The following ROBO2 variants were observed in gnomAD, a reference collection of about 807,000 sequenced individuals.
The protein encoded by ROBO2 is roundabout guidance receptor 2, also known as roundabout homolog 2.
A neutral mutation model predicts 160.8 loss-of-function variants in ROBO2; 53 were observed. The observed-to-expected ratio is 0.33, with a 90% CI of 0.26 to 0.41. ROBO2 has a LOEUF of 0.41. Among genes scored for constraint, ROBO2 ranks in the 10% least tolerant of loss-of-function variants. The pLI, the probability that ROBO2 is intolerant of heterozygous loss-of-function variation, is 1.00. For synonymous variants in ROBO2, 664 were observed against 611.7 expected (o/e 1.09, Z -1.26); for missense variants, 1,577 against 1,722.4 (o/e 0.92, Z 1.49).
At position 77,602,578 on chromosome 3, in the gene ROBO2, AT is replaced by A. The variant is rs2094450086; in HGVS notation, c.3136+89del. 1.3e-5 allele frequency: 19 copies of A among 1,489,976 alleles called. No individual in the cohort carries two copies. The African/African-American group carries it at 2.6e-4, about 21-fold the overall frequency. 92.3% of individuals were successfully genotyped at this position (1,489,976 alleles called of 1,614,324 possible). A position where few individuals can be genotyped will look rare whatever the true frequency, so the allele number is the denominator to read the frequency against. On this transcript the variant is annotated intron_variant, in intron 20 of 25. Coordinates refer to ENST00000461745, the Ensembl canonical transcript of ROBO2. ...TTAGTATTTGTTGTTTGACTTAGTGATTCATTACCAGGTTTACTACCTAAAC... is the reference window on the plus strand; with the variant it reads ...TTAGTATTTGTTGTTTGACTTAGTGATCATTACCAGGTTTACTACCTAAAC...
At chr3:76,032,441 G>T (rs1021529289) in intron 2 of ROBO2, among the ~76,000 whole-genome samples, 2 of 152,024 alleles carry the variant, frequency 1.3e-5, no homozygotes, top group Non-Finnish European at 2.9e-5. Flanking sequence ...TCTTTTAATT[G>T]TGATGTTAGG....
chr3:76,615,897 G>A (rs1288260035), intron 2 of ROBO2, among the ~76,000 whole-genome samples: 1 of 152,176 alleles, frequency 6.6e-6, no homozygotes, highest in Non-Finnish European at 1.5e-5. Context: ...CAGAGGCTCA[G>A]AATGTAAATG....
intron 2 of ROBO2, among the ~76,000 whole-genome samples, chr3:77,296,005 G>T (rs2062054808): frequency 7.1e-6 from 1 of 139,908 alleles, no homozygotes; most frequent in Non-Finnish European, 1.5e-5. Flanking sequence ...GGTTAAACGG[G>T]AAGTTGAGGC....
At chr3:76,840,259 A>G (rs935646232) in intron 2 of ROBO2, among the ~76,000 whole-genome samples, 5 of 151,524 alleles carry the variant, frequency 3.3e-5, no homozygotes, top group Non-Finnish European at 7.4e-5. Context: ...TAATTCTTTA[A>G]GATACATCAT....
intron 2 of ROBO2, among the ~76,000 whole-genome samples, chr3:77,176,604 ATTGATTC>A (rs1379751834): frequency 1.6e-4 from 25 of 152,022 alleles, no homozygotes; most frequent in African/African-American, 6.0e-4. Context: ...CATTTTATGA[ATTGATTC>A]TTATTTATCT....
intron 2 of ROBO2, among the ~76,000 whole-genome samples, chr3:76,919,617 A>T (rs1219016847): frequency 6.6e-6 from 1 of 152,176 alleles, no homozygotes; most frequent in Non-Finnish European, 1.5e-5. Flanking sequence ...GCATCCTATC[A>T]TGTATTTTTA....
intron 2 of ROBO2, among the ~76,000 whole-genome samples, chr3:76,996,644 C>T (rs968903992): frequency 2.0e-5 from 3 of 151,616 alleles, no homozygotes; most frequent in Non-Finnish European, 4.4e-5. Context: ...TGGTTTTGTC[C>T]CATCAGCCAT....
chr3:77,040,739 C>A lies in ROBO2; in HGVS notation c.-47C>A, dbSNP rs769316618. Reference sequence around the variant, plus strand: ...ATACTCATTTTTGTACTTTTGCTCTCTGGGATTGGTTTCTTAAAGAATCTG... The same window carrying A: ...ATACTCATTTTTGTACTTTTGCTCTATGGGATTGGTTTCTTAAAGAATCTG... On this transcript the variant is annotated 5_prime_UTR_variant, in exon 1 of 26. It adds an upstream start codon to the 5' untranslated region. Coordinates refer to ENST00000461745, the Ensembl canonical transcript of ROBO2. 1.2e-6 allele frequency: 2 copies of A among 1,613,792 alleles called. No homozygotes were observed. The highest frequency in any genetic ancestry group is 1.7e-6 in the Non-Finnish European group (2 of 1,180,004).
At chr3:76,455,025 G>A (rs1348314129) in intron 2 of ROBO2, among the ~76,000 whole-genome samples, 1 of 151,946 alleles carries the variant, frequency 6.6e-6, no homozygotes, top group African/African-American at 2.4e-5. Context: ...GGTCCAACTA[G>A]GTAAAATAAA....
intron 2 of ROBO2, among the ~76,000 whole-genome samples, chr3:76,645,866 C>T (rs2090941617): frequency 6.6e-6 from 1 of 152,114 alleles, no homozygotes; most frequent in Admixed American, 6.5e-5. Flanking sequence ...TTATTCCTTC[C>T]TGCATTTATT....
At chr3:76,666,462 C>T (rs756518183) in intron 2 of ROBO2, among the ~76,000 whole-genome samples, 3 of 151,928 alleles carry the variant, frequency 2.0e-5, no homozygotes, top group Admixed American at 6.6e-5. Flanking sequence ...TATTTTATAT[C>T]GAACAGTAAA....
intron 2 of ROBO2, among the ~76,000 whole-genome samples, chr3:76,529,391 G>A (rs944188643): frequency 3.3e-5 from 5 of 152,088 alleles, no homozygotes; most frequent in African/African-American, 1.2e-4. Context: ...GGTTAAGTGA[G>A]AGGCAATGAT....
chr3:76,555,412 AAG>A (rs1560141366), intron 2 of ROBO2, among the ~76,000 whole-genome samples: 254 of 70,656 alleles, frequency 3.6e-3, no homozygotes, highest in African/African-American at 7.2e-3. Context: ...GAAGAAGAAG[AAG>A]AAGAAAGAAG....
At chr3:77,125,032 C>T (rs1028732520) in intron 2 of ROBO2, among the ~76,000 whole-genome samples, 1 of 151,900 alleles carries the variant, frequency 6.6e-6, no homozygotes, top group African/African-American at 2.4e-5. Context: ...ATTCCAGTAA[C>T]ATCAGAATTC....
chr3:76,155,445 T>C (rs890203487), intron 2 of ROBO2, among the ~76,000 whole-genome samples: 3 of 152,078 alleles, frequency 2.0e-5, no homozygotes, highest in African/African-American at 7.2e-5. Context: ...ACTTAAAAGA[T>C]AGAACAAAGT....
At chr3:76,999,532 A>T (rs1038403952) in intron 2 of ROBO2, among the ~76,000 whole-genome samples, 1 of 152,136 alleles carries the variant, frequency 6.6e-6, no homozygotes, top group Non-Finnish European at 1.5e-5. Flanking sequence ...AACATTACAC[A>T]GTTTAGAAAT....
chr3:76,688,202 A>G (rs1391096624), intron 2 of ROBO2, among the ~76,000 whole-genome samples: 3 of 152,060 alleles, frequency 2.0e-5, no homozygotes, highest in African/African-American at 7.2e-5. Context: ...CAAATAATCT[A>G]TCATAGCATT....
At chr3:76,081,700 T>A (rs7641168) in intron 2 of ROBO2, among the ~76,000 whole-genome samples, 3,814 of 152,196 alleles carry the variant, frequency 0.025, 156 homozygotes, top group African/African-American at 0.086. Flanking sequence ...TTCATAGATG[T>A]TCTCATTTCT....
chr3:76,657,973 C>T (rs1349067880), intron 2 of ROBO2, among the ~76,000 whole-genome samples: 2 of 148,652 alleles, frequency 1.3e-5, no homozygotes, highest in African/African-American at 2.5e-5. Context: ...AGGCTGAGGT[C>T]GGAGGATCAC....
Sources: allele counts gnomAD v4.1 joint callset (sites outside exome capture counted in the v4.1 genomes callset), GRCh38; gene constraint gnomAD v4.1.1; transcripts MANE v1.5; gene names NCBI Gene and HGNC (gene_info 2026-07-23, HGNC 2026-07-21).